TBC1D1: variants seen among roughly 807,000 people sequenced by gnomAD.
TBC1D1 encodes TBC1 domain family member 1, also known as TBC1 (tre-2/USP6, BUB2, cdc16) domain family, member 1.
In TBC1D1, 89 loss-of-function variants were observed where a neutral mutation model predicts 125.6. The ratio of observed to expected loss-of-function variants is 0.71; its 90% CI spans 0.60 to 0.85. The LOEUF (loss-of-function observed/expected upper bound fraction) is 0.85. Among genes scored for constraint, TBC1D1 ranks in the 40% least tolerant of loss-of-function variants. TBC1D1 has a pLI of 0.00. For synonymous variants in TBC1D1, 565 were observed against 564.1 expected (o/e 1.00, Z -0.02); for missense variants, 1,377 against 1,469.2 (o/e 0.94, Z 1.03).
chr4:38,093,528 T>A (rs60475933), intron 13 of TBC1D1, among the ~76,000 whole-genome samples: 6 of 101,572 alleles, frequency 5.9e-5, no homozygotes, highest in East Asian at 6.2e-4. Context: ...TTCCCCCCCC[T>A]TTTTTTTTTT....
At chr4:38,100,906 A>G (rs1044156910) in intron 14 of TBC1D1, among the ~76,000 whole-genome samples, 9 of 152,206 alleles carry the variant, frequency 5.9e-5, no homozygotes, top group Admixed American at 1.3e-4. Context: ...CCATTTGAGT[A>G]GCAGCCTTGT....
At chr4:38,096,252 T>G (rs531985675) in intron 14 of TBC1D1, among the ~76,000 whole-genome samples, 162 bp downstream of exon 16, 10 of 152,308 alleles carry the variant, frequency 6.6e-5, no homozygotes, top group Non-Finnish European at 1.5e-4. Context: ...GACATGAGTT[T>G]CACCACCTTT....
intron 2 of TBC1D1, among the ~76,000 whole-genome samples, chr4:37,925,837 A>G (rs1560485899): frequency 6.6e-6 from 1 of 152,188 alleles, no homozygotes; most frequent in Non-Finnish European, 1.5e-5. Context: ...AAATAAATTA[A>G]TAATATGTTA....
At position 38,117,521 on chromosome 4, in the gene TBC1D1, T is replaced by C. The variant is rs546599244; in HGVS notation, c.2803-512T>C. Among the ~76,000 whole-genome samples the C allele has an allele frequency of 2.6e-5, 4 of 152,354 alleles. No homozygotes were observed. In the South Asian group the frequency reaches 8.3e-4, roughly 32 times the overall value. ...AGGTATCTGGATATTCCATATATTA[T>C]ACACCAAAAGAAATTATGCTTCTCC... is the stretch of plus-strand genomic sequence containing the variant. On this transcript the variant is annotated intron_variant, in intron 16 of 19. Transcript: ENST00000261439.
At chr4:38,046,501 G>T (rs1411171258) in intron 10 of TBC1D1, among the ~76,000 whole-genome samples, 1 of 151,902 alleles carries the variant, frequency 6.6e-6, no homozygotes, top group Non-Finnish European at 1.5e-5. Flanking sequence ...TTTTATTTTG[G>T]ATTTGGGGGT....
At chr4:38,087,863 G>A (rs60214489) in intron 12 of TBC1D1, among the ~76,000 whole-genome samples, 11,532 of 80,384 alleles carry the variant, frequency 0.14, 524 homozygotes, top group East Asian at 0.31. Flanking sequence ...AAAAAAAAAA[G>A]AAAAAAAAAA....
intron 2 of TBC1D1, among the ~76,000 whole-genome samples, chr4:37,910,197 T>A (rs1346246644): frequency 6.6e-6 from 1 of 152,206 alleles, no homozygotes; most frequent in Non-Finnish European, 1.5e-5. Context: ...TTAAAATAAA[T>A]CCATCCCTAA....
At chr4:38,092,198 T>G (rs1248031192) in intron 13 of TBC1D1, among the ~76,000 whole-genome samples, 1 of 152,204 alleles carries the variant, frequency 6.6e-6, no homozygotes, top group African/African-American at 2.4e-5. Flanking sequence ...GAGTGTACAG[T>G]AAGTATTCAC....
intron 1 of TBC1D1, among the ~76,000 whole-genome samples, chr4:37,892,896 C>A (rs1713658330): frequency 6.6e-6 from 1 of 152,150 alleles, no homozygotes; most frequent in Non-Finnish European, 1.5e-5. Context: ...AATCCCTGTC[C>A]CCCACTTCCC....
At chr4:38,036,059 C>G (rs949347483) in intron 8 of TBC1D1, among the ~76,000 whole-genome samples, 12 of 152,116 alleles carry the variant, frequency 7.9e-5, no homozygotes, top group Non-Finnish European at 1.8e-4. Context: ...TGCATGGCTG[C>G]CTTTGGAATT....
intron 12 of TBC1D1, among the ~76,000 whole-genome samples, chr4:38,072,852 G>A (rs182136608): frequency 3.3e-5 from 5 of 152,264 alleles, no homozygotes; most frequent in Admixed American, 2.6e-4. Context: ...ACTCATTTAA[G>A]TAGAGTCATA....
chr4:38,086,869 C>T (rs1475917591), intron 12 of TBC1D1, among the ~76,000 whole-genome samples: 1 of 152,136 alleles, frequency 6.6e-6, no homozygotes, highest in African/African-American at 2.4e-5. Flanking sequence ...TAGCAAGATC[C>T]CCAGTGAGGC....
chr4:38,046,240 C>T (rs944313736), intron 10 of TBC1D1, among the ~76,000 whole-genome samples: 48 of 151,974 alleles, frequency 3.2e-4, no homozygotes, highest in African/African-American at 8.7e-4. Context: ...GGCGTGGTGG[C>T]GGGCACCCGT....
chr4:37,934,046 C>G (rs1281559123), intron 2 of TBC1D1, among the ~76,000 whole-genome samples: 1 of 152,214 alleles, frequency 6.6e-6, no homozygotes, highest in African/African-American at 2.4e-5. Flanking sequence ...GACACCTACA[C>G]AGGCCGTGTG....
chr4:38,009,085 GTAAGA>G (rs1740933423), intron 2 of TBC1D1, among the ~76,000 whole-genome samples: 1 of 152,228 alleles, frequency 6.6e-6, no homozygotes, highest in South Asian at 2.1e-4. Context: ...TTTAAGGCAT[GTAAGA>G]TAGAGTGAGG....
chr4:37,977,818 G>T lies in TBC1D1; in HGVS notation c.418-36691G>T, dbSNP rs987899911. 6.6e-6 allele frequency among the ~76,000 whole-genome samples: 1 copy of T among 152,092 alleles called. No homozygotes were observed. Among genetic ancestry groups the T allele is most frequent in the African/African-American group, 2.4e-5 (1 of 41,444 alleles). On this transcript the variant is annotated intron_variant, in intron 2 of 19. Coordinates refer to ENST00000261439, the MANE Select transcript of TBC1D1 (RefSeq NM_015173.4). The surrounding 1 kb of genome is among the most constrained non-coding windows in gnomAD (Gnocchi z 4.3). ...CCGAACCCAGCAGGCGGCTCCTCCG[G>T]CCCCTGTCGCTCCCCGCGCCGCGGA...
chr4:37,964,242 A>AAGC (rs1193475667), intron 2 of TBC1D1, among the ~76,000 whole-genome samples: 9 of 152,350 alleles, frequency 5.9e-5, no homozygotes, highest in African/African-American at 1.9e-4. Context: ...AAATTAGTTA[A>AAGC]AGCAGCATTT....
At chr4:38,009,815 A>G (rs1741096418) in intron 2 of TBC1D1, among the ~76,000 whole-genome samples, 1 of 152,162 alleles carries the variant, frequency 6.6e-6, no homozygotes, top group Non-Finnish European at 1.5e-5. Flanking sequence ...TTTAATTTTT[A>G]TGTATCTAAA....
At chr4:37,918,599 C>T (rs1418168988) in intron 2 of TBC1D1, among the ~76,000 whole-genome samples, 1 of 152,122 alleles carries the variant, frequency 6.6e-6, no homozygotes. Flanking sequence ...AGATGTGCGC[C>T]ACCACGCCTG....
Sources: gnomAD v4.1 joint callset for allele counts (sites outside exome capture counted in the v4.1 genomes callset) on GRCh38, gnomAD v4.1.1 for gene constraint, Gnocchi (gnomAD v3.1) non-coding constraint, MANE v1.5 for transcripts, NCBI Gene and HGNC (gene_info 2026-07-23, HGNC 2026-07-21) for gene names.